Variants in ZC3H8 observed in about 807,000 individuals in gnomAD.
ZC3H8 encodes the protein zinc finger CCCH domain-containing protein 8.
A neutral mutation model predicts 42.5 loss-of-function variants in ZC3H8; 27 were observed. That is an observed-to-expected ratio of 0.64 (90% confidence interval 0.47 to 0.88). The LOEUF (loss-of-function observed/expected upper bound fraction) is 0.88. Ranked by LOEUF, ZC3H8 falls within the 40% of genes least tolerant of loss-of-function variation. The probability of loss-of-function intolerance (pLI) is 0.00; values close to 1 mark genes in which losing one functional copy is unlikely to be tolerated. For synonymous variants in ZC3H8, 101 were observed against 110.1 expected, an observed-to-expected ratio of 0.92 and a Z score of 0.52; for missense variants, 277 against 336.1, an observed-to-expected ratio of 0.82 and a Z score of 1.37.
chr2:112,236,703 C>A lies in ZC3H8; in HGVS notation c.371-8G>T, dbSNP rs1558927512. The A allele has an allele frequency of 2.5e-6, 4 of 1,594,198 alleles. No individual in the cohort carries two copies. Among genetic ancestry groups the A allele is most frequent in the Non-Finnish European group, 3.4e-6 (4 of 1,170,460 alleles). On this transcript the variant is annotated splice_region_variant and splice_polypyrimidine_tract_variant and intron_variant, in intron 3 of 8. Transcript: ENST00000409573. ...TATTTTTTTGTTTAGCAGCTAAAAACAAAAAATTAATTTAAAAAATGACAT... is the reference window on the plus strand; with the variant it reads ...TATTTTTTTGTTTAGCAGCTAAAAAAAAAAAATTAATTTAAAAAATGACAT...
Position 112,250,276 on chromosome 2 carries a change from T to C in ZC3H8, c.75-4A>G. On this transcript the variant is annotated splice_region_variant and splice_polypyrimidine_tract_variant and intron_variant, in intron 1 of 8. Coordinates refer to ENST00000409573, the MANE Select transcript of ZC3H8 (RefSeq NM_032494.3). ...TGTATCTATTTCATCATCGATTCTG[T>C]AGCAAAAATATCAAATAACACAAAA... 3 of 1,544,446 alleles carry C rather than the reference T, an allele frequency of 1.9e-6. No homozygotes were observed. The highest frequency in any genetic ancestry group is 2.6e-6 in the Non-Finnish European group (3 of 1,143,414).
intron 2 of ZC3H8, among the ~76,000 whole-genome samples, chr2:112,248,882 T>C (rs1229888561): frequency 6.6e-6 from 1 of 152,124 alleles, no homozygotes; most frequent in Non-Finnish European, 1.5e-5. Flanking sequence ...CCTAGTCCAG[T>C]GACTGATTTC....
intron 4 of ZC3H8, among the ~76,000 whole-genome samples, chr2:112,235,936 T>TAAAA (rs11370016): frequency 2.4e-5 from 3 of 122,580 alleles, no homozygotes; most frequent in East Asian, 2.4e-4. Flanking sequence ...AGTATAACAC[T>TAAAA]AAAAAAAAAA....
intron 2 of ZC3H8, among the ~76,000 whole-genome samples, chr2:112,239,522 A>C (rs1169296899): frequency 6.6e-6 from 1 of 152,076 alleles, no homozygotes; most frequent in Non-Finnish European, 1.5e-5. Flanking sequence ...CAGACAAAAA[A>C]CAAAACAGAA....
chr2:112,239,528 C>T (rs1048853915), intron 2 of ZC3H8, among the ~76,000 whole-genome samples: 3 of 145,246 alleles, frequency 2.1e-5, no homozygotes, highest in African/African-American at 7.7e-5. Context: ...AAAAACAAAA[C>T]AGAAGAATCG....
chr2:112,241,554 A>G (rs1685586589), intron 2 of ZC3H8, among the ~76,000 whole-genome samples: 2 of 152,222 alleles, frequency 1.3e-5, no homozygotes, highest in South Asian at 4.1e-4. Flanking sequence ...CAACCTCCAA[A>G]TTGACATTTG....
chr2:112,226,262 G>A (rs1218349711), intron 8 of ZC3H8, among the ~76,000 whole-genome samples: 1 of 151,058 alleles, frequency 6.6e-6, no homozygotes, highest in Non-Finnish European at 1.5e-5. Context: ...CTTATAACAA[G>A]GACAGAAATT....
chr2:112,241,984 G>A (rs929982411), intron 2 of ZC3H8, among the ~76,000 whole-genome samples: 15 of 152,136 alleles, frequency 9.9e-5, no homozygotes, highest in African/African-American at 3.6e-4. Flanking sequence ...TTACACTGCT[G>A]GAAAACCTCC....
chr2:112,216,845 AAATG>A (rs944572356), intron 8 of ZC3H8, among the ~76,000 whole-genome samples: 1 of 152,118 alleles, frequency 6.6e-6, no homozygotes, highest in East Asian at 1.9e-4. Flanking sequence ...AGAGAACAAA[AAATG>A]AGATGAAGAA....
At chr2:112,233,616 C>T (rs750639374) in intron 5 of ZC3H8, among the ~76,000 whole-genome samples, 11 of 152,202 alleles carry the variant, frequency 7.2e-5, no homozygotes, top group Non-Finnish European at 1.2e-4. Flanking sequence ...CGCCTGTAAT[C>T]CCAGCACTTT....
At chr2:112,232,483 C>T (rs1042115144) in intron 6 of ZC3H8, among the ~76,000 whole-genome samples, 27 of 152,146 alleles carry the variant, frequency 1.8e-4, no homozygotes, top group African/African-American at 6.0e-4. Flanking sequence ...TCCTTCATAT[C>T]CATTCTTATA....
chr2:112,244,841 C>T (rs1431334583), intron 2 of ZC3H8, among the ~76,000 whole-genome samples: 1 of 152,222 alleles, frequency 6.6e-6, no homozygotes, highest in African/African-American at 2.4e-5. Context: ...TCTCCTGTCT[C>T]TCTCCCTCCC....
At chr2:112,227,112 T>C (rs927743754) in intron 8 of ZC3H8, among the ~76,000 whole-genome samples, 1 of 152,234 alleles carries the variant, frequency 6.6e-6, no homozygotes, top group Non-Finnish European at 1.5e-5. Context: ...ACTGAATGCT[T>C]CTGCCAAATA....
At chr2:112,228,550 A>G (rs1684951588) in intron 8 of ZC3H8, among the ~76,000 whole-genome samples, 1 of 152,156 alleles carries the variant, frequency 6.6e-6, no homozygotes, top group Non-Finnish European at 1.5e-5. Flanking sequence ...CATGTAAAAA[A>G]AAGTTTTGCC....
At position 112,214,037 on chromosome 2, in the gene ZC3H8, C is replaced by T. The variant is rs1269619607; in HGVS notation, c.*2447G>A. The T allele has an allele frequency of 6.6e-6, 1 of 150,740 alleles. No homozygotes were observed. The highest frequency in any genetic ancestry group is 1.5e-5 in the Non-Finnish European group (1 of 67,762). The allele number at this position is 150,740 out of a possible 1,614,324, so 9.3% of individuals were successfully genotyped here. On this transcript the variant is annotated 3_prime_UTR_variant, in exon 9 of 9. Coordinates refer to ENST00000409573, the MANE Select transcript of ZC3H8 (RefSeq NM_032494.3). ...CTCAGCTCACTGCAGGCTCCGCCCCCTGGGGTTCACACCATTCTCTTGCCT... is the reference window on the plus strand; with the variant it reads ...CTCAGCTCACTGCAGGCTCCGCCCCTTGGGGTTCACACCATTCTCTTGCCT...
At chr2:112,224,515 G>A (rs1015405279) in intron 8 of ZC3H8, among the ~76,000 whole-genome samples, 1 of 152,136 alleles carries the variant, frequency 6.6e-6, no homozygotes, top group African/African-American at 2.4e-5. Context: ...CACTATCATT[G>A]CTTTATTTCA....
intron 3 of ZC3H8, among the ~76,000 whole-genome samples, chr2:112,237,514 C>A (rs1231858463): frequency 6.6e-6 from 1 of 152,034 alleles, no homozygotes; most frequent in East Asian, 1.9e-4. Context: ...AACTCCTGGG[C>A]TCAAGCAATA....
At chr2:112,240,295 A>G (rs1480680957) in intron 2 of ZC3H8, 1 of 152,254 alleles carries the variant, frequency 6.6e-6, no homozygotes, top group Non-Finnish European at 1.5e-5. Context: ...AACATGGCCT[A>G]CAAAGGTGAA....
At chr2:112,217,764 T>C (rs1684392830) in intron 8 of ZC3H8, among the ~76,000 whole-genome samples, 1 of 152,238 alleles carries the variant, frequency 6.6e-6, no homozygotes, top group African/African-American at 2.4e-5. Context: ...ATTTTATCAT[T>C]GATGACAAAT....
Sources: gnomAD v4.1 joint callset for allele counts (sites outside exome capture counted in the v4.1 genomes callset) on GRCh38, gnomAD v4.1.1 for gene constraint, MANE v1.5 for transcripts, NCBI Gene and HGNC (gene_info 2026-07-23, HGNC 2026-07-21) for gene names.